The following ADRA1B variants were observed in gnomAD, a reference collection of about 807,000 sequenced individuals.
ADRA1B encodes the protein alpha-1B adrenergic receptor.
Under a neutral mutation model 17.9 loss-of-function variants are expected in ADRA1B, and 17 were observed. That is an observed-to-expected ratio of 0.95 (90% CI 0.65 to 1.42). The LOEUF is 1.42. Among genes scored for constraint, ADRA1B ranks in the 40% most tolerant of loss-of-function variants. The pLI, the probability that ADRA1B is intolerant of heterozygous loss-of-function variation, is 0.00. For missense variants in ADRA1B, 681 were observed against 722.1 expected (o/e 0.94, Z 0.65); for synonymous variants, 366 against 327.6 (o/e 1.12, Z -1.27).
Position 159,972,146 on chromosome 5 carries a change from C to A in ADRA1B, c.1217C>A (p.Ser406Ter). Residue 406 changes from serine to a stop codon, truncating the protein, a stop_gained, in exon 2 of 2, where the codon TCG (serine) becomes TAG (stop). Transcript: ENST00000306675. LOFTEE classifies it low-confidence loss of function (END_TRUNC). ...SLERSQSRKDSLDDSGSCLSG... is the reference protein window; with the variant it reads ...SLERSQSRKD ...GAGCGCTCGCAGTCGCGCAAGGACT[C>A]GCTGGACGACAGCGGCAGCTGCCTG... The A allele has an allele frequency of 7.4e-7, 1 of 1,359,660 alleles. No homozygotes were observed. Among genetic ancestry groups the A allele is most frequent in the Non-Finnish European group, 9.6e-7 (1 of 1,045,690 alleles). 84.2% of individuals were successfully genotyped at this position (1,359,660 alleles called of 1,614,324 possible).
chr5:159,933,641 A>C (rs1262524258), intron 1 of ADRA1B, among the ~76,000 whole-genome samples: 1 of 152,210 alleles, frequency 6.6e-6, no homozygotes, highest in Non-Finnish European at 1.5e-5. Flanking sequence ...CCCATCCATC[A>C]GAGGAGCCAG....
At chr5:159,947,793 C>T (rs750881323) in intron 1 of ADRA1B, 5 of 985,376 alleles carry the variant, frequency 5.1e-6, no homozygotes, top group South Asian at 4.7e-5. Context: ...AGTCTGGCCA[C>T]GTGAGGGACA....
chr5:159,948,773 G>A (rs980978266), intron 1 of ADRA1B, among the ~76,000 whole-genome samples: 3 of 152,238 alleles, frequency 2.0e-5, no homozygotes, highest in Non-Finnish European at 2.9e-5. Context: ...AATATTTGGG[G>A]TTGTTTCCAA....
Position 159,972,504 on chromosome 5 carries a change from G to A in ADRA1B, c.*12G>A. On this transcript the variant is annotated 3_prime_UTR_variant, in exon 2 of 2. Transcript: ENST00000306675. ...CCGGGCAGTTTTAGGGCCCCCGTGC[G>A]CAGCTTTCTTTCCCTGGGGAGGAAA... 6.1e-6 allele frequency: 7 copies of A among 1,141,826 alleles called. No homozygotes were observed. The highest frequency in any genetic ancestry group is 7.6e-6 in the Non-Finnish European group (7 of 916,304). The allele number at this position is 1,141,826 out of a possible 1,614,324, so 70.7% of individuals were successfully genotyped here.
chr5:159,976,649 C>CA (rs778613423), downstream of ADRA1B, among the ~76,000 whole-genome samples: 5,848 of 100,238 alleles, frequency 0.058, 212 homozygotes, highest in African/African-American at 0.14. Context: ...CTCACTGTCT[C>CA]AAAAAAAAAA....
At chr5:159,954,543 T>C (rs1319577514) in intron 1 of ADRA1B, among the ~76,000 whole-genome samples, 1 of 152,094 alleles carries the variant, frequency 6.6e-6, no homozygotes, top group Middle Eastern at 3.2e-3. Flanking sequence ...GTATGAGTGA[T>C]TTTTCTCTTA....
At chr5:159,955,295 C>T (rs545049009) in intron 1 of ADRA1B, 18 of 648,064 alleles carry the variant, frequency 2.8e-5, no homozygotes, top group East Asian at 2.7e-4. Context: ...GCCAAACAAG[C>T]GAGAGGTGAC....
intron 1 of ADRA1B, among the ~76,000 whole-genome samples, chr5:159,890,040 C>T (rs1015711622): frequency 7.9e-5 from 12 of 152,186 alleles, no homozygotes; most frequent in African/African-American, 2.7e-4. Context: ...CAGCCTCCAG[C>T]ATCCAGAGGT....
chr5:159,922,672 C>A (rs532410140), intron 1 of ADRA1B, among the ~76,000 whole-genome samples: 1 of 152,154 alleles, frequency 6.6e-6, no homozygotes, highest in East Asian at 1.9e-4. Flanking sequence ...TTTTGTCAGC[C>A]ACCCCAACCA....
At chr5:159,939,111 G>A (rs1755032777) in intron 1 of ADRA1B, among the ~76,000 whole-genome samples, 1 of 152,150 alleles carries the variant, frequency 6.6e-6, no homozygotes, top group Non-Finnish European at 1.5e-5. Flanking sequence ...AGGTCCCTCA[G>A]CAAGGGGCAG....
At chr5:159,953,348 ACT>A (rs975434151) in intron 1 of ADRA1B, among the ~76,000 whole-genome samples, 2 of 151,948 alleles carry the variant, frequency 1.3e-5, no homozygotes, top group Non-Finnish European at 2.9e-5. Flanking sequence ...ACAGAATAAG[ACT>A]CTGTCTCAGA....
intron 1 of ADRA1B, among the ~76,000 whole-genome samples, chr5:159,941,053 TC>T (rs1336157006): frequency 3.3e-5 from 5 of 152,230 alleles, no homozygotes; most frequent in Admixed American, 2.6e-4. Context: ...GTGGATCACT[TC>T]TCCGATAACT....
intron 1 of ADRA1B, among the ~76,000 whole-genome samples, chr5:159,966,516 T>A (rs1755778408): frequency 6.6e-6 from 1 of 152,192 alleles, no homozygotes; most frequent in South Asian, 2.1e-4. Flanking sequence ...CTGTCAGAAG[T>A]CACTGAGGAC....
chr5:159,944,801 A>C (rs577182051), intron 1 of ADRA1B, among the ~76,000 whole-genome samples: 52 of 152,370 alleles, frequency 3.4e-4, no homozygotes, highest in African/African-American at 1.3e-3. Context: ...AAGATCACAC[A>C]GCCAGATATC....
intron 1 of ADRA1B, among the ~76,000 whole-genome samples, chr5:159,966,108 C>T (rs1755772008): frequency 6.6e-6 from 1 of 152,094 alleles, no homozygotes. Context: ...AAAGACCCAG[C>T]TCACACCACT....
At chr5:159,949,409 G>A (rs1755362887) in intron 1 of ADRA1B, among the ~76,000 whole-genome samples, 1 of 152,108 alleles carries the variant, frequency 6.6e-6, no homozygotes, top group South Asian at 2.1e-4. Context: ...AAAATCTGAG[G>A]GAAGCTATGA....
chr5:159,935,377 G>T (rs578241305), intron 1 of ADRA1B, among the ~76,000 whole-genome samples: 1 of 152,084 alleles, frequency 6.6e-6, no homozygotes, highest in South Asian at 2.1e-4. Flanking sequence ...GGACACCCAT[G>T]AGTCTTCCAT....
chr5:159,959,808 T>TA (rs55764573), intron 1 of ADRA1B, among the ~76,000 whole-genome samples: 109 of 144,592 alleles, frequency 7.5e-4, no homozygotes, highest in African/African-American at 9.3e-4. Flanking sequence ...TTTAAAAATG[T>TA]AAAAAAAAAA....
intron 1 of ADRA1B, among the ~76,000 whole-genome samples, chr5:159,924,038 T>A (rs973592015): frequency 6.6e-6 from 1 of 152,264 alleles, no homozygotes; most frequent in African/African-American, 2.4e-5. Context: ...CAATAAACAT[T>A]CATTATATTA....
Sources: gnomAD v4.1 joint callset for allele counts (sites outside exome capture counted in the v4.1 genomes callset) on GRCh38, gnomAD v4.1.1 for gene constraint, MANE v1.5 for transcripts, NCBI Gene and HGNC (gene_info 2026-07-23, HGNC 2026-07-21) for gene names.